CNR2: variants seen among roughly 807,000 people sequenced by gnomAD.
CNR2 encodes the protein cannabinoid receptor 2 (macrophage).
For missense variants in CNR2, 379 were observed against 439.9 expected, an observed-to-expected ratio of 0.86 and a Z score of 1.24; for synonymous variants, 172 against 182.2, an observed-to-expected ratio of 0.94 and a Z score of 0.45.
At chr1:23,904,251 C>T (rs1344250184) in intron 1 of CNR2, among the ~76,000 whole-genome samples, 1 of 150,768 alleles carries the variant, frequency 6.6e-6, no homozygotes, top group Non-Finnish European at 1.5e-5. Context: ...CGGCTCACTA[C>T]AACCTCTGCT....
chr1:23,872,566 T>C lies in CNR2; in HGVS notation c.*1969A>G, dbSNP rs1340438013. On this transcript the variant is annotated 3_prime_UTR_variant, in exon 2 of 2. Transcript: ENST00000374472. ...AGGTTAGTGGTTAAGAGGGCAGGCT[T>C]TGAAGTCAAACAGAACTAGGTTGGA... The C allele has an allele frequency of 6.6e-6, 1 of 152,082 alleles. No individual in the cohort carries two copies. The highest frequency in any genetic ancestry group is 2.4e-5 in the African/African-American group (1 of 41,426). 9.4% of individuals were successfully genotyped at this position (152,082 alleles called of 1,614,324 possible).
chr1:23,881,198 C>T (rs1000410652), intron 1 of CNR2, among the ~76,000 whole-genome samples: 12 of 151,842 alleles, frequency 7.9e-5, no homozygotes, highest in African/African-American at 2.7e-4. Context: ...ATCGCTTGAA[C>T]CCAGGAGGCG....
intron 1 of CNR2, chr1:23,907,741 C>T (rs1461162952): frequency 6.6e-6 from 1 of 152,120 alleles, no homozygotes; most frequent in Non-Finnish European, 1.5e-5. Flanking sequence ...GATCCACCCA[C>T]CTCAGCCTCC....
chr1:23,900,074 C>CA (rs1015461707), intron 1 of CNR2, among the ~76,000 whole-genome samples: 8 of 151,260 alleles, frequency 5.3e-5, no homozygotes, highest in African/African-American at 1.9e-4. Context: ...CTCCTGCGAT[C>CA]AGTGCTTGAG....
At chr1:23,907,071 A>G (rs1031393293) in intron 1 of CNR2, 5 of 151,994 alleles carry the variant, frequency 3.3e-5, no homozygotes, top group Admixed American at 6.6e-5. Flanking sequence ...ATGCCATATA[A>G]GAAAGTTGAT....
chr1:23,877,826 T>G (rs978338882), intron 1 of CNR2, among the ~76,000 whole-genome samples: 1 of 151,840 alleles, frequency 6.6e-6, no homozygotes, highest in African/African-American at 2.4e-5. Flanking sequence ...CCGGGCACGA[T>G]GGTGGACACC....
chr1:23,881,826 G>A (rs1639993319), intron 1 of CNR2, among the ~76,000 whole-genome samples: 1 of 151,424 alleles, frequency 6.6e-6, no homozygotes, highest in Admixed American at 6.6e-5. Context: ...GGAAGGCGGA[G>A]GTTTCGGTGA....
In CNR2 at chr1:23,909,300, G is replaced by A. The variant is rs371900397; in HGVS notation, c.-46+3946C>T. 4.6e-5 allele frequency among the ~76,000 whole-genome samples: 7 copies of A among 152,288 alleles called. No homozygotes were observed. In the East Asian group the frequency reaches 1.2e-3, roughly 25 times the overall value. ...ACATCCTTTCTCTCCCCAGGAGATG[G>A]AGGGAAAAGAGAACAGTTTTACACT... is the stretch of plus-strand genomic sequence containing the variant. On this transcript the variant is annotated intron_variant, in intron 1 of 1. Coordinates refer to ENST00000374472, the MANE Select transcript of CNR2 (RefSeq NM_001841.3).
rs569979951 is a variant in CNR2, at chr1:23,891,548, G to C, written c.-45-15886C>G. 2.0e-5 allele frequency among the ~76,000 whole-genome samples: 3 copies of C among 150,504 alleles called. No individual in the cohort carries two copies. In the East Asian group the frequency reaches 5.9e-4, roughly 30 times the overall value. ...GCAGGAGAATTGCTTGAATCTGGGA[G>C]GCAGAGGTTGCAGTGAGCCGAGATC... On this transcript the variant is annotated intron_variant, in intron 1 of 1. Transcript: ENST00000374472.
intron 1 of CNR2, among the ~76,000 whole-genome samples, chr1:23,909,508 G>T (rs1329611403): frequency 6.6e-6 from 1 of 152,138 alleles, no homozygotes; most frequent in Non-Finnish European, 1.5e-5. Flanking sequence ...GGACCGAGGT[G>T]AGGATTACAT....
chr1:23,894,457 GAAGGAAGGAAGC>G (rs1640243435), intron 1 of CNR2, among the ~76,000 whole-genome samples: 1 of 5,494 alleles, frequency 1.8e-4, no homozygotes, highest in South Asian at 5.3e-3. Context: ...AGGAAGGAAG[GAAGGAAGGAAGC>G]AAGGAAGGAA....
At chr1:23,901,813 C>T (rs2148469326) in intron 1 of CNR2, 6 of 1,598,054 alleles carry the variant, frequency 3.8e-6, no homozygotes, top group African/African-American at 1.3e-5. Flanking sequence ...ACAGGCCTAG[C>T]CCCGCAATAA....
rs779046064 is a variant in CNR2, at chr1:23,875,423, G to A, written c.195C>T (p.Arg65=). The A allele has an allele frequency of 9.3e-6, 15 of 1,614,120 alleles. No homozygotes were observed. The Admixed American group carries it at 2.5e-4, about 27-fold the overall frequency. Residue 65 remains arginine, a synonymous_variant, in exon 2 of 2, where the codon CGC becomes CGT. Coordinates refer to ENST00000374472, the MANE Select transcript of CNR2 (RefSeq NM_001841.3). ...LYLILSSHQL[R]RKPSYLFIGS... ...CAATGAACAGGTATGAGGGCTTCCG[G>A]CGGAGTTGGTGGGAGGACAGGATCA... is the stretch of plus-strand genomic sequence containing the variant.
chr1:23,905,496 T>C, intron 1 of CNR2, among the ~76,000 whole-genome samples: 1 of 149,824 alleles, frequency 6.7e-6, no homozygotes. Flanking sequence ...GCACTTTATA[T>C]ATTATATATA....
chr1:23,905,209 G>A (rs898700151), intron 1 of CNR2, among the ~76,000 whole-genome samples: 5 of 141,714 alleles, frequency 3.5e-5, no homozygotes, highest in African/African-American at 1.4e-4. Context: ...TTTTTGAGAT[G>A]AGTCTGGCCC....
At chr1:23,912,964 C>G (rs905061731) in intron 1 of CNR2, among the ~76,000 whole-genome samples, 2 of 152,104 alleles carry the variant, frequency 1.3e-5, no homozygotes, top group Non-Finnish European at 2.9e-5. Context: ...GTCGGGAGTT[C>G]GAGACCAGCC....
intron 1 of CNR2, chr1:23,902,395 T>C: frequency 1.3e-6 from 2 of 1,587,326 alleles, no homozygotes; most frequent in Non-Finnish European, 1.7e-6. Flanking sequence ...TTCAGACTTG[T>C]CCCCAGAAAG....
intron 1 of CNR2, among the ~76,000 whole-genome samples, chr1:23,890,425 C>T (rs1640169134): frequency 6.6e-6 from 1 of 152,038 alleles, no homozygotes; most frequent in African/African-American, 2.4e-5. Flanking sequence ...TTTTGGAAAA[C>T]TTGTTCAACC....
At chr1:23,883,754 G>A (rs561836316) in intron 1 of CNR2, among the ~76,000 whole-genome samples, 1 of 152,250 alleles carries the variant, frequency 6.6e-6, no homozygotes, top group South Asian at 2.1e-4. Context: ...GAACCCGGGA[G>A]GCGGAGGTTG....
Sources: allele counts gnomAD v4.1 joint callset (sites outside exome capture counted in the v4.1 genomes callset), GRCh38; gene constraint gnomAD v4.1.1; transcripts MANE v1.5; gene names NCBI Gene and HGNC (gene_info 2026-07-23, HGNC 2026-07-21).